The following L3MBTL2 variants were observed in gnomAD, a reference collection of about 807,000 sequenced individuals.
L3MBTL2 encodes the protein lethal(3)malignant brain tumor-like protein 2.
In L3MBTL2, 49 loss-of-function variants were observed where a neutral mutation model predicts 86.4. The ratio of observed to expected loss-of-function variants is 0.57; its 90% CI spans 0.45 to 0.72. The LOEUF (loss-of-function observed/expected upper bound fraction) is 0.72, where lower values mean the gene tolerates loss of function less well. Among genes scored for constraint, L3MBTL2 ranks in the 30% least tolerant of loss-of-function variants. The pLI, the probability that L3MBTL2 is intolerant of heterozygous loss-of-function variation, is 0.00. For synonymous variants in L3MBTL2, 336 were observed against 350.6 expected, an observed-to-expected ratio of 0.96 and a Z score of 0.47; for missense variants, 755 against 923.7, an observed-to-expected ratio of 0.82 and a Z score of 2.37.
chr22:41,226,808 G>A (rs1191098844), intron 13 of L3MBTL2, 64 bp downstream of exon 13: 3 of 1,170,800 alleles, frequency 2.6e-6, no homozygotes, highest in Non-Finnish European at 3.8e-6. Flanking sequence ...GCCTGCTGCT[G>A]TCAGTGGTGG....
chr22:41,220,701 C>T (rs773128257), intron 6 of L3MBTL2, 33 bp from the exon 7 acceptor site: 6 of 1,588,704 alleles, frequency 3.8e-6, no homozygotes, highest in Middle Eastern at 3.5e-4. Flanking sequence ...CCAGCTCACC[C>T]TCCCTCACAG....
intron 8 of L3MBTL2, among the ~76,000 whole-genome samples, chr22:41,221,637 C>T (rs113098145): frequency 6.6e-6 from 1 of 152,342 alleles, no homozygotes; most frequent in Non-Finnish European, 1.5e-5. Context: ...GACGGAGTCT[C>T]GCTCTGTCCC....
chr22:41,221,120 A>G (rs2031784812), intron 7 of L3MBTL2, 79 bp from the exon 8 acceptor site: 1 of 1,346,294 alleles, frequency 7.4e-7, no homozygotes, highest in Non-Finnish European at 1.0e-6. Flanking sequence ...AGGGGTCCCC[A>G]CTCTGGGTCG....
chr22:41,206,886 C>A (rs2030264067), intron 1 of L3MBTL2, among the ~76,000 whole-genome samples: 1 of 152,052 alleles, frequency 6.6e-6, no homozygotes, highest in Non-Finnish European at 1.5e-5. Flanking sequence ...CTCAAACTTT[C>A]TGCAAGGGTA....
chr22:41,209,694 A>T lies in L3MBTL2; in HGVS notation c.25-2A>T, dbSNP rs2030555693. On this transcript the variant is annotated splice_acceptor_variant, in intron 1 of 16. Coordinates refer to ENST00000216237, the MANE Select transcript of L3MBTL2 (RefSeq NM_031488.5). LOFTEE classifies it high-confidence loss of function. ...TACCTGGTTTGTGTCATCCTCCATT[A>T]GGAGACCCCATCTTCAGAACCAATG... 6.2e-7 allele frequency: 1 copy of T among 1,613,358 alleles called. No individual in the cohort carries two copies. Among genetic ancestry groups the T allele is most frequent in the Non-Finnish European group, 8.5e-7 (1 of 1,179,438 alleles).
At position 41,231,142 on chromosome 22, in the gene L3MBTL2, T is replaced by TG. The variant is rs547835730; in HGVS notation, c.*893dup. On this transcript the variant is annotated 3_prime_UTR_variant, in exon 17 of 17. Transcript: ENST00000216237. Reference sequence around the variant, plus strand: ...CCTACCTAAATGAAGAAACCATGCCTGGAGGGGCCGTGAACACAGAACCCT... The same window carrying TG: ...CCTACCTAAATGAAGAAACCATGCCTGGGAGGGGCCGTGAACACAGAACCCT... 7.2e-5 allele frequency: 11 copies of TG among 152,332 alleles called. No homozygotes were observed. Among genetic ancestry groups the TG allele is most frequent in the African/African-American group, 2.6e-4 (11 of 41,564 alleles). 9.4% of individuals were successfully genotyped at this position (152,332 alleles called of 1,614,324 possible).
rs376654520 is a variant in L3MBTL2 at position 41,208,519 on chromosome 22, G to A, written c.25-1177G>A. 2.6e-5 allele frequency: 7 copies of A among 266,886 alleles called. No individual in the cohort carries two copies. In the East Asian group the frequency reaches 8.8e-4, roughly 34 times the overall value. 16.5% of individuals were successfully genotyped at this position (266,886 alleles called of 1,614,324 possible). A position where few individuals can be genotyped will look rare whatever the true frequency, so the allele number is the denominator to read the frequency against. On this transcript the variant is annotated intron_variant, in intron 1 of 16. Transcript: ENST00000216237. ...AGTCAAATATTTTTATTTTATAGAT[G>A]AGAAAGTTGAAGCCCACAGAAGTTA...
At position 41,224,043 on chromosome 22, in the gene L3MBTL2, C is replaced by T. The variant is rs1250069716; in HGVS notation, c.966C>T (p.Pro322=). The part of the protein sequence containing the change: ...HIKMVESMKY[P]FRQGMRLEVV... ...AGATGGTGGAGAGCATGAAGTACCC[C>T]TTTAGGCAGGGCATGCGGCTGGAAG... The change falls in exon 9 of 17, where the codon CCC becomes CCT. Residue 322 remains proline, a synonymous_variant. Coordinates refer to ENST00000216237, the MANE Select transcript of L3MBTL2 (RefSeq NM_031488.5). The surrounding 1 kb of genome is among the most constrained non-coding windows in gnomAD (Gnocchi z 4.9). 6.2e-7 allele frequency: 1 copy of T among 1,614,176 alleles called. No individual in the cohort carries two copies. Among genetic ancestry groups the T allele is most frequent in the African/African-American group, 1.3e-5 (1 of 75,058 alleles).
At chr22:41,209,640 C>T (rs912914675) in intron 1 of L3MBTL2, 56 bp from the exon 2 acceptor site, 51 of 1,502,722 alleles carry the variant, frequency 3.4e-5, no homozygotes, top group East Asian at 1.4e-4. Context: ...CTTCTCCCCC[C>T]GTGCACTAAA....
chr22:41,230,339 T>C lies in L3MBTL2; in HGVS notation c.*88T>C. Reference sequence around the variant, plus strand: ...ACCATGCCTCCACCTGACTTTGGCTTGGAGACTGATCCTCTCTGTGTAAAT... The same window carrying C: ...ACCATGCCTCCACCTGACTTTGGCTCGGAGACTGATCCTCTCTGTGTAAAT... On this transcript the variant is annotated 3_prime_UTR_variant, in exon 17 of 17. Transcript: ENST00000216237. 5.3e-6 allele frequency: 5 copies of C among 947,436 alleles called. No individual in the cohort carries two copies. Among genetic ancestry groups the C allele is most frequent in the Non-Finnish European group, 8.4e-6 (5 of 593,442 alleles). 58.7% of individuals were successfully genotyped at this position (947,436 alleles called of 1,614,324 possible).
Position 41,209,788 on chromosome 22 carries a change from T to C in L3MBTL2, c.117T>C (p.Ser39=), listed in dbSNP as rs2030562559. The stretch of plus-strand genomic sequence containing the variant: ...ATAGTTTCCGGAGTTATAACAGCAG[T>C]GTGGGCAGTGAGAGCAGCTCCTATC... ...GYDSFRSYNS[S]VGSESSSYLE... The change falls in exon 2 of 17, where the codon AGT becomes AGC. Residue 39 remains serine (S), a synonymous_variant. Coordinates refer to ENST00000216237, the MANE Select transcript of L3MBTL2 (RefSeq NM_031488.5). The C allele has an allele frequency of 6.2e-7, 1 of 1,613,976 alleles. No homozygotes were observed. Among genetic ancestry groups the C allele is most frequent in the Non-Finnish European group, 8.5e-7 (1 of 1,180,028 alleles).
Position 41,209,794 on chromosome 22 carries a change from C to T in L3MBTL2, c.123C>T (p.Gly41=). 1.9e-6 allele frequency: 3 copies of T among 1,614,126 alleles called. No individual in the cohort carries two copies. In the African/African-American group the frequency reaches 4.0e-5, roughly 22 times the overall value. The change falls in exon 2 of 17, where the codon GGC becomes GGT. Residue 41 remains glycine, a synonymous_variant. Coordinates refer to ENST00000216237, the MANE Select transcript of L3MBTL2 (RefSeq NM_031488.5). ...TCCGGAGTTATAACAGCAGTGTGGGCAGTGAGAGCAGCTCCTATCTGGAGG... is the reference window on the plus strand; with the variant it reads ...TCCGGAGTTATAACAGCAGTGTGGGTAGTGAGAGCAGCTCCTATCTGGAGG... The part of the protein sequence containing the change: ...DSFRSYNSSV[G]SESSSYLEES...
In L3MBTL2 at chr22:41,230,394, G is replaced by A. The variant is rs538527163; in HGVS notation, c.*143G>A. 6.0e-6 allele frequency: 4 copies of A among 661,652 alleles called. No homozygotes were observed. Among genetic ancestry groups the A allele is most frequent in the South Asian group, 3.7e-5 (2 of 54,610 alleles). 41.0% of individuals were successfully genotyped at this position (661,652 alleles called of 1,614,324 possible). A position where few individuals can be genotyped will look rare whatever the true frequency, so the allele number is the denominator to read the frequency against. ...CCCGGTGCTGTGAAGGCTGGACGGT[G>A]GAGGACCTGCTGGGGTCTCCTGGGA... is the stretch of plus-strand genomic sequence containing the variant. On this transcript the variant is annotated 3_prime_UTR_variant, in exon 17 of 17. Coordinates refer to ENST00000216237, the MANE Select transcript of L3MBTL2 (RefSeq NM_031488.5).
chr22:41,217,381 C>T (rs986008034), intron 5 of L3MBTL2, 179 bp downstream of exon 5: 3 of 591,344 alleles, frequency 5.1e-6, no homozygotes, highest in Non-Finnish European at 6.0e-6. Flanking sequence ...CTCCTACAAA[C>T]ACTTCTATCA....
At position 41,224,838 on chromosome 22, in the gene L3MBTL2, A is replaced by G; in HGVS notation, c.1251+37A>G. On this transcript the variant is annotated intron_variant, in intron 10 of 16. Coordinates refer to ENST00000216237, the MANE Select transcript of L3MBTL2 (RefSeq NM_031488.5). The surrounding 1 kb of genome is among the most constrained non-coding windows in gnomAD (Gnocchi z 4.9). Reference sequence around the variant, plus strand: ...CTCTTGGGCGCTTTTCCCCTCAGCCATGGGTCCATTCCGGGCCTGAGGGAC... The same window carrying G: ...CTCTTGGGCGCTTTTCCCCTCAGCCGTGGGTCCATTCCGGGCCTGAGGGAC... 6.3e-7 allele frequency: 1 copy of G among 1,586,884 alleles called. No homozygotes were observed. The highest frequency in any genetic ancestry group is 8.7e-7 in the Non-Finnish European group (1 of 1,155,334).
At chr22:41,211,431 C>G (rs982298530) in intron 2 of L3MBTL2, among the ~76,000 whole-genome samples, 1 of 151,796 alleles carries the variant, frequency 6.6e-6, no homozygotes, top group Non-Finnish European at 1.5e-5. Flanking sequence ...GTCTTGAACT[C>G]CCAAGCTCAA....
intron 3 of L3MBTL2, 108 bp from the exon 4 acceptor site, chr22:41,216,031 A>G (rs2031331319): frequency 8.0e-7 from 1 of 1,252,496 alleles, no homozygotes; most frequent in Non-Finnish European, 1.1e-6. Flanking sequence ...CTGAAGCCCA[A>G]AAGAGGTTAA....
chr22:41,223,271 G>C (rs888645238), intron 8 of L3MBTL2, among the ~76,000 whole-genome samples: 1 of 152,328 alleles, frequency 6.6e-6, no homozygotes, highest in East Asian at 1.9e-4. Context: ...GGTTCTTCCT[G>C]ACCCAGCAGT....
chr22:41,221,076 C>A, intron 7 of L3MBTL2, 123 bp from the exon 8 acceptor site: 1 of 981,828 alleles, frequency 1.0e-6, no homozygotes, highest in Non-Finnish European at 1.5e-6. Flanking sequence ...CATTGCTGGC[C>A]TGAAGAGGCA....
Sources: gnomAD v4.1 joint callset for allele counts (sites outside exome capture counted in the v4.1 genomes callset) on GRCh38, gnomAD v4.1.1 for gene constraint, Gnocchi (gnomAD v3.1) non-coding constraint, MANE v1.5 for transcripts, NCBI Gene and HGNC (gene_info 2026-07-23, HGNC 2026-07-21) for gene names.